The following DIAPH2 variants were observed in gnomAD, a reference collection of about 807,000 sequenced individuals.
DIAPH2 encodes protein diaphanous homolog 2.
A neutral mutation model predicts 92.7 loss-of-function variants in DIAPH2; 35 were observed. That is an observed-to-expected ratio of 0.38 (90% CI 0.29 to 0.50). The LOEUF (loss-of-function observed/expected upper bound fraction) is 0.50. DIAPH2 is among the 20% of genes least tolerant of loss of function. The pLI, the probability that DIAPH2 is intolerant of heterozygous loss-of-function variation, is 0.94. For missense variants in DIAPH2, 701 were observed against 819.5 expected (o/e 0.86, Z 1.77); for synonymous variants, 301 against 280.4 (o/e 1.07, Z -0.73).
intron 4 of DIAPH2, among the ~76,000 whole-genome samples, chrX:96,759,645 G>T (rs2064255536): frequency 9.0e-6 from 1 of 111,646 alleles, no homozygotes; most frequent in Admixed American, 9.5e-5. Flanking sequence ...AAATCTATAT[G>T]ACTGAATCTG....
At chrX:96,880,870 G>A (rs1172947943) in intron 4 of DIAPH2, among the ~76,000 whole-genome samples, 2 of 111,505 alleles carry the variant, frequency 1.8e-5, no homozygotes, top group Admixed American at 9.6e-5. Flanking sequence ...ATGAAGTTAA[G>A]GAGCTGTGAT....
chrX:97,182,165 T>TGATAGG (rs1308822614), intron 22 of DIAPH2, among the ~76,000 whole-genome samples: 9 of 110,824 alleles, frequency 8.1e-5, no homozygotes, highest in Admixed American at 1.9e-4. Flanking sequence ...TTGTGGGGGC[T>TGATAGG]AGGCATGATA....
chrX:96,883,156 T>C (rs535398980), intron 5 of DIAPH2, among the ~76,000 whole-genome samples: 1 of 109,914 alleles, frequency 9.1e-6, no homozygotes, highest in South Asian at 3.8e-4. Context: ...TTGAAAATAA[T>C]TTAGAGCTCA....
chrX:97,185,339 ATGTATATATATATGTG>A (rs1400442359), intron 22 of DIAPH2, among the ~76,000 whole-genome samples: 329 of 8,092 alleles, frequency 0.041, 68 homozygotes, highest in African/African-American at 0.045. Flanking sequence ...ATATATATAT[ATGTATATATATATGTG>A]TGTATATATA....
At chrX:97,532,647 T>C (rs1209283103) in intron 26 of DIAPH2, among the ~76,000 whole-genome samples, 1 of 113,067 alleles carries the variant, frequency 8.8e-6, no homozygotes, top group African/African-American at 3.2e-5. Context: ...CTCTGCACTA[T>C]TTTTATCTTG....
At chrX:97,112,708 T>A (rs1398927752) in intron 20 of DIAPH2, among the ~76,000 whole-genome samples, 1 of 107,401 alleles carries the variant, frequency 9.3e-6, no homozygotes, top group Non-Finnish European at 1.9e-5. Flanking sequence ...TCTCTTTACT[T>A]TTCTCACACC....
At chrX:97,265,441 G>A (rs1210486903) in intron 23 of DIAPH2, among the ~76,000 whole-genome samples, 1 of 111,771 alleles carries the variant, frequency 8.9e-6, no homozygotes, top group Non-Finnish European at 1.9e-5. Context: ...TGGGGTTTGG[G>A]ATTCAGTGCT....
At chrX:96,863,378 T>C (rs1428942038) in intron 4 of DIAPH2, among the ~76,000 whole-genome samples, 1 of 109,720 alleles carries the variant, frequency 9.1e-6, no homozygotes, top group African/African-American at 3.3e-5. Context: ...TCCATGTTTT[T>C]TGAGTGACTT....
chrX:96,999,172 T>A (rs1037992580), intron 17 of DIAPH2, among the ~76,000 whole-genome samples: 14 of 111,122 alleles, frequency 1.3e-4, no homozygotes, highest in African/African-American at 4.6e-4. Flanking sequence ...GAGGAAACTG[T>A]GGGCCAGTAA....
chrX:97,366,787 A>G (rs2069385418), intron 24 of DIAPH2, among the ~76,000 whole-genome samples: 1 of 112,005 alleles, frequency 8.9e-6, no homozygotes, highest in African/African-American at 3.2e-5. Flanking sequence ...GGGAGTTGCT[A>G]TACTTTTAAA....
At chrX:96,739,624 A>G (rs1185123564) in intron 3 of DIAPH2, among the ~76,000 whole-genome samples, 1 of 111,755 alleles carries the variant, frequency 8.9e-6, no homozygotes, top group African/African-American at 3.3e-5. Flanking sequence ...TCCTGCACCT[A>G]GAAGAGTTAG....
chrX:96,699,258 G>A lies in DIAPH2; in HGVS notation c.132+14068G>A. Among the ~76,000 whole-genome samples, 6 of 111,894 alleles carry A rather than the reference G, an allele frequency of 5.4e-5. 1 individual carries two copies. The Middle Eastern group carries it at 0.018, about 344-fold the overall frequency. ...TCATATTTTCTCTAAATATAGTCCT[G>A]GTTGTTGATGTTCTTTTGTTTTTCA... On this transcript the variant is annotated intron_variant, in intron 1 of 26. Transcript: ENST00000324765.
chrX:96,847,642 C>A (rs1226956019), intron 4 of DIAPH2, among the ~76,000 whole-genome samples: 1 of 109,103 alleles, frequency 9.2e-6, no homozygotes, highest in Non-Finnish European at 1.9e-5. Context: ...AAAAAAAAAA[C>A]AACTCTAGGT....
intron 26 of DIAPH2, among the ~76,000 whole-genome samples, chrX:97,434,335 A>T (rs373511435): frequency 9.1e-6 from 1 of 110,473 alleles, no homozygotes; most frequent in South Asian, 3.9e-4. Context: ...TTAGCGTGAG[A>T]GGAGTAGTCA....
At chrX:96,882,271 G>A (rs1482120473) in intron 5 of DIAPH2, among the ~76,000 whole-genome samples, 1 of 110,024 alleles carries the variant, frequency 9.1e-6, no homozygotes, top group African/African-American at 3.3e-5. Context: ...GGCTGGTCTC[G>A]AACTCTTGAT....
rs191447254 is a variant in DIAPH2 at position 96,937,117 on chromosome X, A to G, written c.1090-116A>G. 1.1e-5 allele frequency: 4 copies of G among 356,879 alleles called. No individual in the cohort carries two copies. The Admixed American group carries it at 2.4e-4, about 21-fold the overall frequency. The allele number at this position is 356,879 out of a possible 1,213,427, so 29.4% of individuals were successfully genotyped here. ...TTTCAGAAAACCAAGTGCCCGCATAAATATTTGAAATTGCTTCTGTGTTTA... is the reference window on the plus strand; with the variant it reads ...TTTCAGAAAACCAAGTGCCCGCATAGATATTTGAAATTGCTTCTGTGTTTA... On this transcript the variant is annotated intron_variant, in intron 10 of 26. Coordinates refer to ENST00000324765, the MANE Select transcript of DIAPH2 (RefSeq NM_006729.5).
intron 24 of DIAPH2, among the ~76,000 whole-genome samples, chrX:97,367,812 C>G (rs2069396674): frequency 9.1e-6 from 1 of 109,681 alleles, no homozygotes. Flanking sequence ...AAGTGATTCT[C>G]CTGCCTCAGC....
intron 16 of DIAPH2, among the ~76,000 whole-genome samples, chrX:96,962,286 CATATATATATAT>C (rs368205747): frequency 1.7e-5 from 1 of 59,759 alleles, no homozygotes; most frequent in Non-Finnish European, 3.1e-5. Context: ...TATATATATA[CATATATATATAT>C]ACATATATAT....
At chrX:97,501,118 G>A (rs2070795178) in intron 26 of DIAPH2, among the ~76,000 whole-genome samples, 1 of 109,021 alleles carries the variant, frequency 9.2e-6, no homozygotes, top group East Asian at 2.9e-4. Context: ...CAGCATTTAA[G>A]TGAATGGCCC....
Sources: allele counts gnomAD v4.1 joint callset (sites outside exome capture counted in the v4.1 genomes callset), GRCh38; gene constraint gnomAD v4.1.1; transcripts MANE v1.5; gene names NCBI Gene and HGNC (gene_info 2026-07-23, HGNC 2026-07-21).